The following ZNF600 variants were observed in gnomAD, a reference collection of about 807,000 sequenced individuals.
ZNF600 encodes zinc finger protein 600, also known as zinc finger protein KR-ZNF1.
ZNF600 carries 4 observed loss-of-function variants against 7.3 expected under a neutral mutation model. The ratio of observed to expected loss-of-function variants is 0.55; its 90% CI spans 0.27 to 1.25. The LOEUF (loss-of-function observed/expected upper bound fraction) is 1.25, where lower values mean the gene tolerates loss of function less well. Ranked by LOEUF, ZNF600 falls within the 50% of genes most tolerant of loss-of-function variation. ZNF600 has a pLI of 0.12. For synonymous variants in ZNF600, 290 were observed against 308.9 expected (o/e 0.94, Z 0.64); for missense variants, 911 against 922.1 (o/e 0.99, Z 0.16).
chr19:52,785,747 C>CTCT (rs1275094581), intron 1 of ZNF600, among the ~76,000 whole-genome samples: 2 of 152,206 alleles, frequency 1.3e-5, no homozygotes, highest in Admixed American at 6.5e-5. Context: ...TCCATCTGTT[C>CTCT]TTGCCACCAG....
At chr19:52,800,926 C>A in the ZNF600 span, 1 of 1,613,994 alleles carries the variant, frequency 6.2e-7, no homozygotes, top group Admixed American at 1.7e-5. Flanking sequence ...CGACTGAAAA[C>A]TTTGTCACAT....
At chr19:52,829,534 T>C in the ZNF600 span, among the ~76,000 whole-genome samples, 69,436 of 104,238 alleles carry the variant, frequency 0.67, 17,516 homozygotes, top group Middle Eastern at 0.7. Flanking sequence ...GCCACCACAC[T>C]CAGCTAATTT....
At chr19:52,765,501 C>A in exon 4 of ZNF600, 1 of 1,598,642 alleles carries the variant, frequency 6.3e-7, no homozygotes, top group Non-Finnish European at 8.6e-7. Flanking sequence ...ACATTTATTA[C>A]ACTTGTTAGA....
the ZNF600 span, chr19:52,799,018 G>T: frequency 2.7e-6 from 2 of 747,770 alleles, no homozygotes; most frequent in East Asian, 4.2e-5. Flanking sequence ...CCTTACATTT[G>T]TATGTTTTTT....
At chr19:52,813,334 G>T in the ZNF600 span, among the ~76,000 whole-genome samples, 3 of 151,050 alleles carry the variant, frequency 2.0e-5, no homozygotes, top group East Asian at 2.0e-4. Flanking sequence ...GTTTTGGGGA[G>T]CAGGGGAAGG....
At chr19:52,783,969 G>T (rs548420677) in intron 1 of ZNF600, among the ~76,000 whole-genome samples, 1 of 152,214 alleles carries the variant, frequency 6.6e-6, no homozygotes, top group South Asian at 2.1e-4. Context: ...AGCTACTCGG[G>T]GGAAGTATCA....
chr19:52,825,144 A>G, the ZNF600 span, among the ~76,000 whole-genome samples: 1 of 152,120 alleles, frequency 6.6e-6, no homozygotes, highest in African/African-American at 2.4e-5. Flanking sequence ...ACGTCCTAGA[A>G]GAAGCAATCA....
At chr19:52,788,426 TA>T (rs1303111416), upstream of ZNF600, among the ~76,000 whole-genome samples, 2 of 151,138 alleles carry the variant, frequency 1.3e-5, no homozygotes, top group Admixed American at 6.6e-5. Flanking sequence ...ATCCTGTATG[TA>T]AAAAAAAATA....
the ZNF600 span, chr19:52,810,176 G>A: frequency 1.0e-6 from 1 of 979,330 alleles, no homozygotes; most frequent in Non-Finnish European, 1.7e-6. Context: ...GAGTCAGGGA[G>A]GTGGAGGAAG....
At chr19:52,772,082 G>A (rs1271127568) in intron 3 of ZNF600, among the ~76,000 whole-genome samples, 2 of 152,152 alleles carry the variant, frequency 1.3e-5, no homozygotes, top group African/African-American at 4.8e-5. Flanking sequence ...TAAAAAGCAG[G>A]TGGACGAATC....
At chr19:52,796,090 C>T in the ZNF600 span, among the ~76,000 whole-genome samples, 1 of 152,058 alleles carries the variant, frequency 6.6e-6, no homozygotes, top group Non-Finnish European at 1.5e-5. Context: ...TGGGAGGATC[C>T]CTTGAACCCA....
At chr19:52,781,125 CT>C (rs1204129707) in intron 1 of ZNF600, 70 bp from the exon 3 acceptor site, 3 of 149,364 alleles carry the variant, frequency 2.0e-5, no homozygotes, top group Non-Finnish European at 1.5e-5. Flanking sequence ...TGACTTGAGT[CT>C]AATTACCCCG....
At chr19:52,806,598 A>C in the ZNF600 span, among the ~76,000 whole-genome samples, 4 of 129,346 alleles carry the variant, frequency 3.1e-5, no homozygotes, top group Non-Finnish European at 6.2e-5. Context: ...TACAAGACAA[A>C]ACTATTTAAA....
the ZNF600 span, among the ~76,000 whole-genome samples, chr19:52,808,847 C>CA: frequency 6.6e-6 from 1 of 151,858 alleles, no homozygotes; most frequent in African/African-American, 2.4e-5. Context: ...CAAAATTACT[C>CA]AAAGTACAAA....
the ZNF600 span, among the ~76,000 whole-genome samples, chr19:52,794,586 C>T: frequency 0.053 from 8,110 of 152,164 alleles, 259 homozygotes; most frequent in African/African-American, 0.083. Context: ...CCGGGCATGG[C>T]GGCTCACCCT....
rs150428473 is a variant in ZNF600 at position 52,784,229 on chromosome 19, AAAACAAAC to A, written c.-20+2358_-20+2365del. On this transcript the variant is annotated intron_variant, in intron 1 of 3. Coordinates refer to ENST00000648973, the Ensembl canonical transcript of ZNF600. ...CATACTGAAACCCTGTTTCTACAAA[AAAACAAAC>A]AAACAAAGAAAAAAAACAACTAGCT... is the stretch of plus-strand genomic sequence containing the variant. 2.9e-3 allele frequency among the ~76,000 whole-genome samples: 443 copies of A among 151,806 alleles called. 2 individuals are homozygous for A. The highest frequency in any genetic ancestry group is 5.0e-3 in the Non-Finnish European group (340 of 67,950).
intron 1 of ZNF600, among the ~76,000 whole-genome samples, chr19:52,784,632 T>C (rs990017205): frequency 4.6e-5 from 7 of 152,200 alleles, no homozygotes; most frequent in Non-Finnish European, 7.3e-5. Context: ...CTCATCTGTA[T>C]AATTTAAACA....
chr19:52,794,964 T>A, the ZNF600 span, among the ~76,000 whole-genome samples: 1 of 152,202 alleles, frequency 6.6e-6, no homozygotes, highest in Non-Finnish European at 1.5e-5. Context: ...AATTATTTTC[T>A]GAGAAAAATG....
intron 3 of ZNF600, among the ~76,000 whole-genome samples, chr19:52,772,638 T>C (rs1348808156): frequency 1.3e-5 from 2 of 152,066 alleles, no homozygotes; most frequent in Non-Finnish European, 2.9e-5. Flanking sequence ...AAACCAACCC[T>C]GGAGGCAAAT....
Sources: allele counts gnomAD v4.1 joint callset (sites outside exome capture counted in the v4.1 genomes callset), GRCh38; gene constraint gnomAD v4.1.1; transcripts MANE v1.5; gene names NCBI Gene and HGNC (gene_info 2026-07-23, HGNC 2026-07-21).